SLC4A10: variants seen among roughly 807,000 people sequenced by gnomAD.
SLC4A10 encodes solute carrier family 4 member 10.
SLC4A10 carries 42 observed loss-of-function variants against 137.7 expected under a neutral mutation model. The ratio of observed to expected loss-of-function variants is 0.30; its 90% CI spans 0.24 to 0.39. The LOEUF (loss-of-function observed/expected upper bound fraction) is 0.39, where lower values mean the gene tolerates loss of function less well. Among genes scored for constraint, SLC4A10 ranks in the 10% least tolerant of loss-of-function variants. The probability of loss-of-function intolerance (pLI) is 1.00; values close to 1 mark genes in which losing one functional copy is unlikely to be tolerated. For missense variants in SLC4A10, 925 were observed against 1,355.0 expected (o/e 0.68, Z 4.98); for synonymous variants, 474 against 464.1 (o/e 1.02, Z -0.27).
chr2:161,877,410 G>A (rs2061505164), intron 8 of SLC4A10, among the ~76,000 whole-genome samples: 1 of 151,910 alleles, frequency 6.6e-6, no homozygotes, highest in African/African-American at 2.4e-5. Context: ...GTAACAGAAA[G>A]GATTATGAGA....
At chr2:161,831,618 T>A (rs1229366691) in intron 3 of SLC4A10, among the ~76,000 whole-genome samples, 9 of 152,162 alleles carry the variant, frequency 5.9e-5, no homozygotes, top group Non-Finnish European at 1.3e-4. Context: ...ATTTTCTTTT[T>A]AAGACCTAGT....
chr2:161,706,737 CTT>C (rs1476439317), intron 1 of SLC4A10, among the ~76,000 whole-genome samples: 1 of 151,570 alleles, frequency 6.6e-6, no homozygotes, highest in African/African-American at 2.4e-5. Flanking sequence ...TGTTCTTACA[CTT>C]TATGGTCTAA....
intron 3 of SLC4A10, among the ~76,000 whole-genome samples, chr2:161,831,731 G>T (rs2058448178): frequency 1.3e-5 from 2 of 152,250 alleles, no homozygotes; most frequent in Non-Finnish European, 2.9e-5. Flanking sequence ...CTCAAAGAAT[G>T]CGTTGAAGAA....
At chr2:161,801,292 C>T (rs2055339841) in intron 2 of SLC4A10, among the ~76,000 whole-genome samples, 1 of 151,864 alleles carries the variant, frequency 6.6e-6, no homozygotes, top group Admixed American at 6.6e-5. Flanking sequence ...TAATCTTGCT[C>T]TTTTTATCAT....
At chr2:161,842,974 A>G (rs2059276873) in intron 4 of SLC4A10, among the ~76,000 whole-genome samples, 1 of 152,178 alleles carries the variant, frequency 6.6e-6, no homozygotes, top group Admixed American at 6.5e-5. Context: ...GATTGTGATG[A>G]CTAGACAGCT....
intron 1 of SLC4A10, among the ~76,000 whole-genome samples, chr2:161,692,872 GGAGA>G (rs2042134847): frequency 6.6e-6 from 1 of 151,990 alleles, no homozygotes; most frequent in Non-Finnish European, 1.5e-5. Flanking sequence ...GTGCTGTACT[GGAGA>G]GGAGTTAGCA....
At chr2:161,802,771 C>T (rs1366755586) in intron 2 of SLC4A10, among the ~76,000 whole-genome samples, 1 of 152,064 alleles carries the variant, frequency 6.6e-6, no homozygotes, top group Non-Finnish European at 1.5e-5. Context: ...CATCTCCTTG[C>T]ATCATTGTGT....
intron 1 of SLC4A10, among the ~76,000 whole-genome samples, chr2:161,660,612 CTTTCTTTCTTT>C (rs2038218253): frequency 1.4e-5 from 2 of 147,472 alleles, no homozygotes; most frequent in East Asian, 3.9e-4. Context: ...TTCTTTCTTT[CTTTCTTTCTTT>C]CTTCCTTTCC....
Position 161,933,232 on chromosome 2 carries a change from TTTCTTTCTTTCTTTCTTTC to T in SLC4A10, c.1998-9547_1998-9529del, listed in dbSNP as rs1486249182. ...CTTTCTTTCTTTCTTTCTTTCTTTC[TTTCTTTCTTTCTTTCTTTC>T]TTCTTTCTTTCTCCTTCCTTCCTTT... On this transcript the variant is annotated intron_variant, in intron 15 of 26. Transcript: ENST00000446997. Among the ~76,000 whole-genome samples, 14 of 147,290 alleles carry T rather than the reference TTTCTTTCTTTCTTTCTTTC, an allele frequency of 9.5e-5. No homozygotes were observed. The East Asian group carries it at 1.6e-3, about 17-fold the overall frequency.
At chr2:161,726,632 G>A (rs997363213) in intron 1 of SLC4A10, among the ~76,000 whole-genome samples, 4 of 152,212 alleles carry the variant, frequency 2.6e-5, no homozygotes, top group Admixed American at 6.5e-5. Flanking sequence ...GAATTCGCCG[G>A]GTGCGGTGGC....
intron 1 of SLC4A10, among the ~76,000 whole-genome samples, chr2:161,698,124 A>G (rs1022221527): frequency 7.2e-5 from 11 of 152,172 alleles, no homozygotes; most frequent in Non-Finnish European, 1.5e-4. Context: ...TTATTGGTGT[A>G]TAAGAATGCT....
In SLC4A10 at chr2:161,743,828, C is replaced by A. The variant is rs183043198; in HGVS notation, c.49-27145C>A. Among the ~76,000 whole-genome samples the A allele has an allele frequency of 1.8e-3, 274 of 151,974 alleles. 1 individual carries two copies. Among genetic ancestry groups the A allele is most frequent in the African/African-American group, 6.0e-3 (250 of 41,492 alleles). On this transcript the variant is annotated intron_variant, in intron 1 of 26. Coordinates refer to ENST00000446997, the MANE Select transcript of SLC4A10 (RefSeq NM_001178015.2). ...TCAATTTCTTGCTTCAATGTTTTGT[C>A]TTTTTAATTGTAGAAATCTTTTACC...
intron 1 of SLC4A10, among the ~76,000 whole-genome samples, chr2:161,726,827 T>C (rs1161214424): frequency 6.6e-6 from 1 of 152,174 alleles, no homozygotes; most frequent in East Asian, 1.9e-4. Context: ...GAGAATCAAT[T>C]GAACCTAGGA....
At chr2:161,736,457 G>C (rs2047352523) in intron 1 of SLC4A10, among the ~76,000 whole-genome samples, 1 of 152,182 alleles carries the variant, frequency 6.6e-6, no homozygotes, top group Non-Finnish European at 1.5e-5. Context: ...AAAGGAAAGA[G>C]GCTTAATTGA....
At chr2:161,627,844 G>A (rs907184284) in intron 1 of SLC4A10, among the ~76,000 whole-genome samples, 15 of 152,024 alleles carry the variant, frequency 9.9e-5, no homozygotes, top group African/African-American at 3.6e-4. Flanking sequence ...CCTACTGTTG[G>A]CCAAACACAT....
chr2:161,974,340 A>T, intron 24 of SLC4A10, 24 bp downstream of exon 24: 1 of 1,562,532 alleles, frequency 6.4e-7, no homozygotes, highest in African/African-American at 1.4e-5. Context: ...TTAAAAACAC[A>T]TCAATTAAAG....
chr2:161,910,331 G>A (rs972280828), intron 15 of SLC4A10, among the ~76,000 whole-genome samples: 1 of 152,034 alleles, frequency 6.6e-6, no homozygotes, highest in Non-Finnish European at 1.5e-5. Context: ...AAGATCAAGT[G>A]TCAAGATCAT....
chr2:161,972,245 G>A (rs1698659116), intron 23 of SLC4A10, among the ~76,000 whole-genome samples: 1 of 152,106 alleles, frequency 6.6e-6, no homozygotes. Flanking sequence ...ACCACTGAGT[G>A]TCTACTTTTT....
chr2:161,629,020 G>T (rs1387329494), intron 1 of SLC4A10, among the ~76,000 whole-genome samples: 1 of 151,856 alleles, frequency 6.6e-6, no homozygotes, highest in Non-Finnish European at 1.5e-5. Flanking sequence ...AATGATGGTT[G>T]CTTCAGAAGT....
Sources: allele counts gnomAD v4.1 joint callset (sites outside exome capture counted in the v4.1 genomes callset), GRCh38; gene constraint gnomAD v4.1.1; transcripts MANE v1.5; gene names NCBI Gene and HGNC (gene_info 2026-07-23, HGNC 2026-07-21).